The following DNAH8 variants were observed in gnomAD, a reference collection of about 807,000 sequenced individuals.
DNAH8 encodes the protein axonemal beta dynein heavy chain 8.
A neutral mutation model predicts 562.1 loss-of-function variants in DNAH8; 382 were observed. The ratio of observed to expected loss-of-function variants is 0.68; its 90% CI spans 0.63 to 0.74. The LOEUF (loss-of-function observed/expected upper bound fraction) is 0.74, where lower values mean the gene tolerates loss of function less well. Among genes scored for constraint, DNAH8 ranks in the 30% least tolerant of loss-of-function variants. DNAH8 has a pLI of 0.00. For synonymous variants in DNAH8, 1,881 were observed against 1,919.4 expected, an observed-to-expected ratio of 0.98 and a Z score of 0.52; for missense variants, 5,203 against 5,620.4, an observed-to-expected ratio of 0.93 and a Z score of 2.37.
intron 41 of DNAH8, 82 bp downstream of exon 41, chr6:38,853,429 G>A (rs1474769226): frequency 2.8e-6 from 4 of 1,442,204 alleles, no homozygotes; most frequent in African/African-American, 2.9e-5. Flanking sequence ...TTGACCTGAT[G>A]GTGTGAGGCA....
At chr6:38,796,813 C>A (rs920868823) in intron 21 of DNAH8, among the ~76,000 whole-genome samples, 1 of 152,006 alleles carries the variant, frequency 6.6e-6, no homozygotes, top group Admixed American at 6.5e-5. Flanking sequence ...ATGAGCCCGC[C>A]GATGCTCCCA....
Position 38,938,845 on chromosome 6 carries a change from AG to A in DNAH8, c.11865del (p.Glu3955AspfsTer3), listed in dbSNP as rs1783198742. The A allele has an allele frequency of 6.2e-7, 1 of 1,612,878 alleles. No homozygotes were observed. The highest frequency in any genetic ancestry group is 8.5e-7 in the Non-Finnish European group (1 of 1,179,276). On this transcript the variant is annotated frameshift_variant, in exon 79 of 93. Coordinates refer to ENST00000327475, the MANE Select transcript of DNAH8 (RefSeq NM_001206927.2). LOFTEE classifies it high-confidence loss of function. ...LPQKRITNII[E>X]YLTYEVFTYS... Reference sequence around the variant, plus strand: ...CAAAAGAGAATTACAAATATTATCGAGTACCTGACATATGAAGTTTTTACAT... The same window carrying A: ...CAAAAGAGAATTACAAATATTATCGATACCTGACATATGAAGTTTTTACAT...
At chr6:38,881,613 G>A (rs6901435) in intron 53 of DNAH8, among the ~76,000 whole-genome samples, 42,572 of 149,464 alleles carry the variant, frequency 0.28, 7,122 homozygotes, top group East Asian at 0.81. Context: ...GTGCAATGGC[G>A]CGATCTTGGC....
chr6:39,026,696 C>T, intron 92 of DNAH8, 29 bp downstream of exon 92: 1 of 1,605,934 alleles, frequency 6.2e-7, no homozygotes. Flanking sequence ...TAGCAGGGAC[C>T]ATTCTGGAGC....
At chr6:38,988,042 C>A (rs1021723070) in intron 87 of DNAH8, among the ~76,000 whole-genome samples, 17 of 152,200 alleles carry the variant, frequency 1.1e-4, no homozygotes, top group African/African-American at 3.9e-4. Context: ...TTTACCCTAA[C>A]CATGTCATCC....
chr6:39,015,955 A>G (rs1766539118), intron 91 of DNAH8, among the ~76,000 whole-genome samples: 1 of 152,164 alleles, frequency 6.6e-6, no homozygotes, highest in Non-Finnish European at 1.5e-5. Context: ...CTTCCTGCAC[A>G]CTAATCACTT....
Position 38,743,164 on chromosome 6 carries a change from T to C in DNAH8, c.1293+1277T>C, listed in dbSNP as rs575184491. Among the ~76,000 whole-genome samples the C allele has an allele frequency of 5.9e-5, 9 of 152,038 alleles. No individual in the cohort carries two copies. The South Asian group carries it at 1.7e-3, about 28-fold the overall frequency. On this transcript the variant is annotated intron_variant, in intron 8 of 92. Coordinates refer to ENST00000327475, the MANE Select transcript of DNAH8 (RefSeq NM_001206927.2). The stretch of plus-strand genomic sequence containing the variant: ...TCCTGAGTAGCTGGGACTACTGTCA[T>C]ATGCCACCATGCCCGACTAATTAAA...
chr6:38,874,068 T>TTCTTTCTTTCTTTCTTTTTC lies in DNAH8; in HGVS notation c.7620+693_7620+694insCTTTCTTTCTTTCTTTTTCT, dbSNP rs377254876. On this transcript the variant is annotated intron_variant, in intron 52 of 92. Transcript: ENST00000327475. ...TTTCTTTCTTTCTTTCTTTCTTTCT[T>TTCTTTCTTTCTTTCTTTTTC]TTTCTTTCTTTCTTTCTTTCTTTCT... is the stretch of plus-strand genomic sequence containing the variant. Among the ~76,000 whole-genome samples, 23 of 57,062 alleles carry TTCTTTCTTTCTTTCTTTTTC rather than the reference T, an allele frequency of 4.0e-4. 6 individuals carry two copies. Among genetic ancestry groups the TTCTTTCTTTCTTTCTTTTTC allele is most frequent in the African/African-American group, 1.5e-3 (23 of 15,612 alleles). 37.4% of individuals were successfully genotyped at this position (57,062 alleles called of 152,430 possible). A position where few individuals can be genotyped will look rare whatever the true frequency, so the allele number is the denominator to read the frequency against.
At chr6:38,853,736 C>T (rs1169253597) in intron 41 of DNAH8, among the ~76,000 whole-genome samples, 1 of 152,076 alleles carries the variant, frequency 6.6e-6, no homozygotes, top group Non-Finnish European at 1.5e-5. Context: ...TTTAATGCAT[C>T]TAACCTACCA....
chr6:38,828,746 T>C (rs1401240844), intron 30 of DNAH8, among the ~76,000 whole-genome samples: 1 of 152,198 alleles, frequency 6.6e-6, no homozygotes, highest in African/African-American at 2.4e-5. Context: ...AGAATACACA[T>C]ACCATAAAGT....
chr6:38,760,648 G>A (rs1280663456), intron 10 of DNAH8, among the ~76,000 whole-genome samples: 1 of 152,072 alleles, frequency 6.6e-6, no homozygotes, highest in Non-Finnish European at 1.5e-5. Context: ...TGGAGATGGG[G>A]CCTGGCAGGA....
intron 56 of DNAH8, among the ~76,000 whole-genome samples, chr6:38,886,227 A>T (rs1778912622): frequency 6.6e-6 from 1 of 152,146 alleles, no homozygotes; most frequent in Admixed American, 6.6e-5. Flanking sequence ...TGAGTGGCTT[A>T]GGAAGTGATC....
chr6:38,914,461 C>T (rs534246476), intron 67 of DNAH8, among the ~76,000 whole-genome samples: 84 of 122,356 alleles, frequency 6.9e-4, no homozygotes, highest in African/African-American at 2.5e-3. Flanking sequence ...AGTGCAGTGG[C>T]GTGATCTCGG....
In DNAH8 at chr6:38,845,750, C is replaced by T. The variant is rs1775247260; in HGVS notation, c.5022C>T (p.Val1674=). 1.2e-6 allele frequency: 2 copies of T among 1,613,198 alleles called. No individual in the cohort carries two copies. The highest frequency in any genetic ancestry group is 1.7e-6 in the Non-Finnish European group (2 of 1,179,396). The change falls in exon 36 of 93, where the codon GTC becomes GTT. Residue 1674 remains valine, a synonymous_variant. Coordinates refer to ENST00000327475, the MANE Select transcript of DNAH8 (RefSeq NM_001206927.2). The stretch of plus-strand genomic sequence containing the variant: ...CTTTGATGGAGGATAGTTTAATGGT[C>T]TTAGGGTCTTTACTCAGCAACAGGT... The part of the protein sequence containing the change: ...IITLMEDSLM[V]LGSLLSNRYN...
intron 44 of DNAH8, 68 bp from the exon 45 acceptor site, chr6:38,863,805 G>A (rs575742557): frequency 6.3e-4 from 843 of 1,333,774 alleles, no homozygotes; most frequent in Middle Eastern, 1.3e-3. Context: ...GAGCACTGGA[G>A]AAATGATTGT....
At chr6:38,799,720 T>C (rs12212025) in intron 21 of DNAH8, among the ~76,000 whole-genome samples, 51,182 of 152,004 alleles carry the variant, frequency 0.34, 9,297 homozygotes, top group Admixed American at 0.41. Flanking sequence ...AACATCTTCA[T>C]CACCCAAAAG....
intron 82 of DNAH8, among the ~76,000 whole-genome samples, chr6:38,962,587 A>T (rs1319308320): frequency 6.6e-6 from 1 of 152,222 alleles, no homozygotes; most frequent in South Asian, 2.1e-4. Context: ...TTTAGTAAAC[A>T]TAAAAGTTTT....
intron 8 of DNAH8, among the ~76,000 whole-genome samples, chr6:38,749,215 C>A (rs1424084935): frequency 6.6e-6 from 1 of 152,094 alleles, no homozygotes; most frequent in African/African-American, 2.4e-5. Flanking sequence ...AGATCATGTC[C>A]TTTACAGGGA....
intron 57 of DNAH8, among the ~76,000 whole-genome samples, chr6:38,889,382 G>A (rs904139680): frequency 2.0e-5 from 3 of 152,094 alleles, no homozygotes; most frequent in Admixed American, 6.6e-5. Context: ...GCAAGTTACT[G>A]ATTATATTAA....
Sources: gnomAD v4.1 joint callset for allele counts (sites outside exome capture counted in the v4.1 genomes callset) on GRCh38, gnomAD v4.1.1 for gene constraint, MANE v1.5 for transcripts, NCBI Gene and HGNC (gene_info 2026-07-23, HGNC 2026-07-21) for gene names.